SLC1A7: variants seen among roughly 807,000 people sequenced by gnomAD.
The protein encoded by SLC1A7 is excitatory amino acid transporter 5.
SLC1A7 carries 40 observed loss-of-function variants against 47.7 expected under a neutral mutation model. The ratio of observed to expected loss-of-function variants is 0.84; its 90% CI spans 0.65 to 1.09. The LOEUF (loss-of-function observed/expected upper bound fraction) is 1.09, where lower values mean the gene tolerates loss of function less well. Among genes scored for constraint, SLC1A7 ranks in the 50% least tolerant of loss-of-function variants. The pLI, the probability that SLC1A7 is intolerant of heterozygous loss-of-function variation, is 0.00. For synonymous variants in SLC1A7, 323 were observed against 325.6 expected, an observed-to-expected ratio of 0.99 and a Z score of 0.09; for missense variants, 746 against 769.5, an observed-to-expected ratio of 0.97 and a Z score of 0.36.
At chr1:53,127,843 G>A (rs770309338) in intron 2 of SLC1A7, among the ~76,000 whole-genome samples, 1 of 152,216 alleles carries the variant, frequency 6.6e-6, no homozygotes, top group Non-Finnish European at 1.5e-5. Context: ...CCATGCCTGA[G>A]GGAGCATGGA....
chr1:53,141,251 C>T (rs947616842), intron 1 of SLC1A7, among the ~76,000 whole-genome samples: 8 of 152,134 alleles, frequency 5.3e-5, no homozygotes, highest in Non-Finnish European at 8.8e-5. Flanking sequence ...TGTCTGATCA[C>T]CCTGGCCTGC....
At chr1:53,115,365 C>T in intron 2 of SLC1A7, 1 of 230,088 alleles carries the variant, frequency 4.3e-6, no homozygotes, top group Non-Finnish European at 8.7e-6. Context: ...TGACCCCTGC[C>T]CAGCCAGGCA....
intron 2 of SLC1A7, among the ~76,000 whole-genome samples, chr1:53,124,627 T>G (rs1437974293): frequency 2.7e-5 from 4 of 150,646 alleles, no homozygotes; most frequent in African/African-American, 4.9e-5. Context: ...GGGGCCATAA[T>G]GGGCCACACA....
At chr1:53,109,188 A>G (rs3753594) in intron 3 of SLC1A7, among the ~76,000 whole-genome samples, 2,223 of 152,002 alleles carry the variant, frequency 0.015, 29 homozygotes, top group Admixed American at 0.034. Context: ...GATGCTTCCA[A>G]ACCCACCCCT....
rs11581058 is a variant in SLC1A7 at position 53,087,850 on chromosome 1, G to C, written c.*159C>G. ...CCCATGCAGCCTTTCCCTTCTCTGA[G>C]ATACATTTTCCGTCAAGCGGGGTTA... On this transcript the variant is annotated 3_prime_UTR_variant, in exon 11 of 11. Coordinates refer to ENST00000371494, the MANE Select transcript of SLC1A7 (RefSeq NM_006671.6). 3 of 426,390 alleles carry C rather than the reference G, an allele frequency of 7.0e-6. No individual in the cohort carries two copies. The East Asian group carries it at 1.1e-4, about 15-fold the overall frequency. 26.4% of individuals were successfully genotyped at this position (426,390 alleles called of 1,614,324 possible). A position where few individuals can be genotyped will look rare whatever the true frequency, so the allele number is the denominator to read the frequency against.
chr1:53,098,548 A>G (rs1312095826), intron 5 of SLC1A7, among the ~76,000 whole-genome samples: 7 of 144,130 alleles, frequency 4.9e-5, no homozygotes, highest in Non-Finnish European at 9.1e-5. Flanking sequence ...GTACACTCAC[A>G]CCATCCACCT....
chr1:53,132,401 A>G (rs1644950539), intron 2 of SLC1A7, among the ~76,000 whole-genome samples: 1 of 152,090 alleles, frequency 6.6e-6, no homozygotes, highest in African/African-American at 2.4e-5. Context: ...AATCCACTGG[A>G]ACTGTGGATG....
intron 3 of SLC1A7, among the ~76,000 whole-genome samples, chr1:53,106,459 C>T (rs1644642106): frequency 1.3e-5 from 2 of 151,882 alleles, no homozygotes; most frequent in South Asian, 2.1e-4. Flanking sequence ...AAAAAATTAG[C>T]TGGGCACGGT....
At chr1:53,100,228 C>T (rs541916508) in intron 5 of SLC1A7, among the ~76,000 whole-genome samples, 1 of 151,410 alleles carries the variant, frequency 6.6e-6, no homozygotes, top group South Asian at 2.1e-4. Flanking sequence ...TTGGTACACT[C>T]ATACAACCTG....
rs759488744 is a variant in SLC1A7 at position 53,088,879 on chromosome 1, C to T, written c.1462G>A (p.Glu488Lys). The T allele has an allele frequency of 6.8e-5, 109 of 1,612,812 alleles. 3 individuals are homozygous for T. The South Asian group carries it at 9.1e-4, about 13-fold the overall frequency. The change falls in exon 10 of 11, where the codon GAG becomes AAG. Residue 488 changes from glutamate (E) to lysine (K), a missense_variant and splice_region_variant. Physicochemically the swap from Glu to Lys is moderately conservative, Grantham distance 56 (BLOSUM62 1). Transcript: ENST00000371494. ...RKDFARDTGT[E>K]KLLPCETKPV... ...CCTCTGGATCTCACTGCTCTCACCTCGGTGCCTGTGTCCCGGGCAAAATCC... is the reference window on the plus strand; with the variant it reads ...CCTCTGGATCTCACTGCTCTCACCTTGGTGCCTGTGTCCCGGGCAAAATCC...
At chr1:53,114,119 AG>A (rs1420881566) in intron 3 of SLC1A7, among the ~76,000 whole-genome samples, 1 of 152,118 alleles carries the variant, frequency 6.6e-6, no homozygotes, top group African/African-American at 2.4e-5. Flanking sequence ...GGCACTGGTG[AG>A]GGAGCGAATG....
At chr1:53,113,205 T>C (rs1644718475) in intron 3 of SLC1A7, among the ~76,000 whole-genome samples, 1 of 152,246 alleles carries the variant, frequency 6.6e-6, no homozygotes, top group Admixed American at 6.5e-5. Context: ...GCGGGCTTAG[T>C]GGGGTAGCCT....
Position 53,088,188 on chromosome 1 carries a change from C to T in SLC1A7, c.1504G>A (p.Glu502Lys). Residue 502 changes from glutamate (E) to lysine (K), a missense_variant, in exon 11 of 11, where the codon GAG becomes AAG. Physicochemically the swap from Glu to Lys is moderately conservative, Grantham distance 56. Transcript: ENST00000371494. ...CCATTCTGCTGGGCTGCCACGATCTCCTGGAGGCTCACTGGCTTGGTCTCG... is the reference window on the plus strand; with the variant it reads ...CCATTCTGCTGGGCTGCCACGATCTTCTGGAGGCTCACTGGCTTGGTCTCG... ...PCETKPVSLQ[E>K]IVAAQQNGCV... 6.2e-7 allele frequency: 1 copy of T among 1,612,896 alleles called. No homozygotes were observed. The highest frequency in any genetic ancestry group is 1.7e-5 in the Admixed American group (1 of 59,970).
chr1:53,120,239 T>A (rs1644804422), intron 2 of SLC1A7, among the ~76,000 whole-genome samples: 1 of 152,048 alleles, frequency 6.6e-6, no homozygotes, highest in African/African-American at 2.4e-5. Context: ...ACCCCTGAGG[T>A]GGGACTCCTG....
At chr1:53,097,854 C>T (rs1479004133) in intron 5 of SLC1A7, among the ~76,000 whole-genome samples, 2 of 151,524 alleles carry the variant, frequency 1.3e-5, no homozygotes, top group Admixed American at 1.3e-4. Flanking sequence ...TTGGTACTAT[C>T]ACAAATACTG....
At chr1:53,088,263 G>A (rs1336104541) in intron 10 of SLC1A7, 36 bp from the exon 11 acceptor site, 2 of 1,534,160 alleles carry the variant, frequency 1.3e-6, no homozygotes, top group Admixed American at 1.9e-5. Flanking sequence ...AGCAGCAGGA[G>A]GGACCAAGGT....
chr1:53,092,262 A>G (rs527728070), intron 7 of SLC1A7, among the ~76,000 whole-genome samples: 3 of 152,350 alleles, frequency 2.0e-5, no homozygotes, highest in East Asian at 1.9e-4. Context: ...TGCGTTGCCA[A>G]TGTGATTTCC....
chr1:53,142,605 G>A lies in SLC1A7; in HGVS notation c.-156C>T, dbSNP rs950881310. Reference sequence around the variant, plus strand: ...GCCAGCCCCACGGCCATGCCCGTGTGGCCGCCTTAGAGGGAAGCCACAATC... The same window carrying A: ...GCCAGCCCCACGGCCATGCCCGTGTAGCCGCCTTAGAGGGAAGCCACAATC... On this transcript the variant is annotated 5_prime_UTR_variant, in exon 1 of 11. Coordinates refer to ENST00000371494, the MANE Select transcript of SLC1A7 (RefSeq NM_006671.6). 5.3e-6 allele frequency: 4 copies of A among 750,026 alleles called. No homozygotes were observed. The highest frequency in any genetic ancestry group is 6.2e-6 in the Non-Finnish European group (3 of 481,522). The allele number at this position is 750,026 out of a possible 1,614,324, so 46.5% of individuals were successfully genotyped here.
At chr1:53,104,653 A>T (rs1434943503) in intron 4 of SLC1A7, among the ~76,000 whole-genome samples, 1 of 152,170 alleles carries the variant, frequency 6.6e-6, no homozygotes, top group Non-Finnish European at 1.5e-5. Flanking sequence ...GGCTTATTTC[A>T]TGGATGTCAG....
Sources: allele counts gnomAD v4.1 joint callset (sites outside exome capture counted in the v4.1 genomes callset), GRCh38; gene constraint gnomAD v4.1.1; transcripts MANE v1.5; gene names NCBI Gene and HGNC (gene_info 2026-07-23, HGNC 2026-07-21).